Variants in RGS20 observed in about 807,000 individuals in gnomAD.
RGS20 encodes the protein gz-selective GTPase-activating protein.
Under a neutral mutation model 33.6 loss-of-function variants are expected in RGS20, and 30 were observed. That is an observed-to-expected ratio of 0.89 (90% CI 0.67 to 1.21). RGS20 has a LOEUF of 1.21. RGS20 is among the 50% of genes most tolerant of loss of function. The pLI is 0.00. For missense variants in RGS20, 472 were observed against 502.4 expected (o/e 0.94, Z 0.58); for synonymous variants, 208 against 197.9 (o/e 1.05, Z -0.43).
rs183626250 is a variant in RGS20, at chr8:53,920,018, C to T, written c.511-19558C>T. Among the ~76,000 whole-genome samples, 347 of 152,140 alleles carry T rather than the reference C, an allele frequency of 2.3e-3. 4 individuals carry two copies. The highest frequency in any genetic ancestry group is 6.8e-3 in the Middle Eastern group (2 of 294). ...CTTCCTGAGTAGCTGGGACTACAGG[C>T]GCACACCACCATGCCTAGCTAATTT... On this transcript the variant is annotated intron_variant, in intron 2 of 5. Transcript: ENST00000297313.
chr8:53,866,957 C>T (rs16919616), intron 1 of RGS20, among the ~76,000 whole-genome samples: 22,303 of 151,976 alleles, frequency 0.15, 3,580 homozygotes, highest in African/African-American at 0.38. Flanking sequence ...AGACTGATTA[C>T]GTATCAGAGA....
intron 3 of RGS20, among the ~76,000 whole-genome samples, chr8:53,944,409 G>T (rs544199720): frequency 6.6e-6 from 1 of 151,932 alleles, no homozygotes; most frequent in Non-Finnish European, 1.5e-5. Flanking sequence ...GTGGTGGTGC[G>T]CGCCTGTAGT....
At chr8:53,952,430 T>TA (rs934212051) in intron 4 of RGS20, among the ~76,000 whole-genome samples, 110 of 142,612 alleles carry the variant, frequency 7.7e-4, no homozygotes, top group Non-Finnish European at 9.6e-4. Flanking sequence ...TTGATAAACT[T>TA]AAAAAAAAAA....
chr8:53,895,205 G>T (rs527820646), intron 2 of RGS20, among the ~76,000 whole-genome samples: 23 of 152,162 alleles, frequency 1.5e-4, no homozygotes, highest in Middle Eastern at 3.2e-3. Flanking sequence ...TAGGTGGATG[G>T]TGGCAACATG....
At chr8:53,955,763 G>C (rs747998044) in intron 5 of RGS20, among the ~76,000 whole-genome samples, 19 of 152,072 alleles carry the variant, frequency 1.2e-4, no homozygotes, top group Non-Finnish European at 2.4e-4. Flanking sequence ...CCCGGGAGGC[G>C]GAGGTTGCAG....
chr8:53,955,370 A>T (rs1467188507), intron 5 of RGS20, among the ~76,000 whole-genome samples: 1 of 152,074 alleles, frequency 6.6e-6, no homozygotes, highest in East Asian at 1.9e-4. Flanking sequence ...TCTGAGAAAA[A>T]TCTTGTATTT....
At chr8:53,893,175 G>A (rs1812763462) in intron 2 of RGS20, among the ~76,000 whole-genome samples, 1 of 152,004 alleles carries the variant, frequency 6.6e-6, no homozygotes, top group South Asian at 2.1e-4. Flanking sequence ...AAGAATAGCT[G>A]GTTGACCTTT....
At chr8:53,879,613 T>C in intron 2 of RGS20, 1 of 1,474,862 alleles carries the variant, frequency 6.8e-7, no homozygotes, top group African/African-American at 1.5e-5. Flanking sequence ...GTGAGTACCG[T>C]GGTCTCCACT....
In RGS20 at chr8:53,892,100, C is replaced by A. The variant is rs542865521; in HGVS notation, c.510+12498C>A. Among the ~76,000 whole-genome samples, 153 of 152,152 alleles carry A rather than the reference C, an allele frequency of 1.0e-3. 1 individual carries two copies. The highest frequency in any genetic ancestry group is 3.5e-3 in the African/African-American group (145 of 41,482). On this transcript the variant is annotated intron_variant, in intron 2 of 5. Coordinates refer to ENST00000297313, the MANE Select transcript of RGS20 (RefSeq NM_170587.4). Reference sequence around the variant, plus strand: ...GTTCCCCTTCCTGTGTCCATGTGTTCTCATTGTTCAGTTCCCACCTATGAG... The same window carrying A: ...GTTCCCCTTCCTGTGTCCATGTGTTATCATTGTTCAGTTCCCACCTATGAG...
At chr8:53,893,893 C>T (rs954981556) in intron 2 of RGS20, among the ~76,000 whole-genome samples, 14 of 152,186 alleles carry the variant, frequency 9.2e-5, no homozygotes, top group Non-Finnish European at 1.5e-4. Context: ...GCGAAAAACT[C>T]ACCCGAGCAT....
At chr8:53,880,192 C>T (rs1287180760) in intron 2 of RGS20, 1 of 152,608 alleles carries the variant, frequency 6.6e-6, no homozygotes, top group Non-Finnish European at 1.5e-5. Context: ...CTCCCGCTGC[C>T]CCCTGGTCTA....
rs148473219 is a variant in RGS20 at position 53,859,019 on chromosome 8, A to G, written c.165+6955A>G. The stretch of plus-strand genomic sequence containing the variant: ...TAATCCAGGGGAGGAGGAAAGTAGG[A>G]GTGTAAGAGATAATGCAGACTTGAC... On this transcript the variant is annotated intron_variant, in intron 1 of 5. Coordinates refer to ENST00000297313, the MANE Select transcript of RGS20 (RefSeq NM_170587.4). 3.2e-3 allele frequency among the ~76,000 whole-genome samples: 480 copies of G among 152,076 alleles called. 2 individuals carry two copies. Among genetic ancestry groups the G allele is most frequent in the African/African-American group, 0.01 (431 of 41,446 alleles).
At chr8:53,954,582 TGA>T (rs1309502453) in intron 5 of RGS20, among the ~76,000 whole-genome samples, 1 of 151,796 alleles carries the variant, frequency 6.6e-6, no homozygotes, top group Non-Finnish European at 1.5e-5. Flanking sequence ...GAGAATCGCT[TGA>T]ACCTAGGAGG....
At chr8:53,863,583 A>C (rs1811856018) in intron 1 of RGS20, among the ~76,000 whole-genome samples, 1 of 152,184 alleles carries the variant, frequency 6.6e-6, no homozygotes, top group South Asian at 2.1e-4. Context: ...TGAAAAGCTC[A>C]GTGATATCAC....
Position 53,879,356 on chromosome 8 carries a change from C to A in RGS20, c.264C>A (p.His88Gln), listed in dbSNP as rs771628587. 2 of 1,611,910 alleles carry A rather than the reference C, an allele frequency of 1.2e-6. No homozygotes were observed. Among genetic ancestry groups the A allele is most frequent in the South Asian group, 1.1e-5 (1 of 91,082 alleles). ...CCAGCCTCGCAAGGTTCTTCTCTCA[C>A]CTTCTCCGGCGACCCCCTCCCGAGG... Residue 88 changes from histidine to glutamine, a missense_variant, in exon 2 of 6, where the codon CAC becomes CAA. Transcript: ENST00000297313.
At position 53,877,083 on chromosome 8, in the gene RGS20, A is replaced by AC. The variant is rs2129273065; in HGVS notation, c.166-2172dup. ...TGAGCTGGAGACGCCAAATTCTGGG[A>AC]CCCACGAAAGGCTTTGGAGCTCGCT... On this transcript the variant is annotated intron_variant, in intron 1 of 5. Transcript: ENST00000297313. The surrounding 1 kb of genome is among the most constrained non-coding windows in gnomAD (Gnocchi z 5.7). Among the ~76,000 whole-genome samples, 1 of 152,286 alleles carries AC rather than the reference A, an allele frequency of 6.6e-6. No individual in the cohort carries two copies. Among genetic ancestry groups the AC allele is most frequent in the Admixed American group, 6.5e-5 (1 of 15,302 alleles).
At position 53,958,353 on chromosome 8, in the gene RGS20, T is replaced by G. The variant is rs1267973561; in HGVS notation, c.1062T>G (p.Leu354=). 8 of 1,613,892 alleles carry G rather than the reference T, an allele frequency of 5.0e-6. No homozygotes were observed. Among genetic ancestry groups the G allele is most frequent in the Non-Finnish European group, 6.8e-6 (8 of 1,179,880 alleles). The change falls in exon 6 of 6, where the codon CTT becomes CTG. Residue 354 remains leucine, a synonymous_variant. Coordinates refer to ENST00000297313, the MANE Select transcript of RGS20 (RefSeq NM_170587.4). The stretch of plus-strand genomic sequence containing the variant: ...AACACATATTCGATGATGCTCAACT[T>G]CAGATTTACACCCTGATGCACAGAG...
chr8:53,881,034 G>GGCGAGCCGGCCGGGGCTT, intron 2 of RGS20: 1 of 1,583,836 alleles, frequency 6.3e-7, no homozygotes, highest in Non-Finnish European at 8.5e-7. Context: ...GGCGGACGGA[G>GGCGAGCCGGCCGGGGCTT]GCGAGCCGGC....
intron 2 of RGS20, among the ~76,000 whole-genome samples, chr8:53,917,970 A>G (rs1813536960): frequency 6.6e-6 from 1 of 152,196 alleles, no homozygotes; most frequent in African/African-American, 2.4e-5. Context: ...CATTTCATGT[A>G]CAAGTATTAT....
Sources: allele counts gnomAD v4.1 joint callset (sites outside exome capture counted in the v4.1 genomes callset), GRCh38; gene constraint gnomAD v4.1.1; non-coding constraint Gnocchi (gnomAD v3.1); transcripts MANE v1.5; gene names NCBI Gene and HGNC (gene_info 2026-07-23, HGNC 2026-07-21).